Variants in GTSF1 observed in about 807,000 individuals in gnomAD.
The protein encoded by GTSF1 is gametocyte-specific factor 1.
Under a neutral mutation model 28.9 loss-of-function variants are expected in GTSF1, and 11 were observed. That is an observed-to-expected ratio of 0.38 (90% CI 0.24 to 0.63). The LOEUF (loss-of-function observed/expected upper bound fraction) is 0.63. Among genes scored for constraint, GTSF1 ranks in the 30% least tolerant of loss-of-function variants. The probability of loss-of-function intolerance (pLI) is 0.56; values close to 1 mark genes in which losing one functional copy is unlikely to be tolerated. For synonymous variants in GTSF1, 69 were observed against 65.6 expected, an observed-to-expected ratio of 1.05 and a Z score of -0.25; for missense variants, 146 against 201.0, an observed-to-expected ratio of 0.73 and a Z score of 1.66.
chr12:54,465,207 G>A, intron 2 of GTSF1, 40 bp from the exon 3 acceptor site: 1 of 1,380,892 alleles, frequency 7.2e-7, no homozygotes, highest in Non-Finnish European at 1.0e-6. Flanking sequence ...AACGATAATA[G>A]GCCCTTGTAA....
chr12:54,469,614 G>C lies in GTSF1; in HGVS notation c.16+1619C>G, dbSNP rs575295215. On this transcript the variant is annotated intron_variant, in intron 2 of 8. Coordinates refer to ENST00000305879, the MANE Select transcript of GTSF1 (RefSeq NM_144594.3). The stretch of plus-strand genomic sequence containing the variant: ...GAGGCAGGAGAATCGCTTGAACCCA[G>C]GAGGCAGAGGTTGCAGTGAGCTGAG... 8.0e-5 allele frequency among the ~76,000 whole-genome samples: 12 copies of C among 149,838 alleles called. No individual in the cohort carries two copies. In the South Asian group the frequency reaches 2.6e-3, roughly 32 times the overall value.
intron 2 of GTSF1, among the ~76,000 whole-genome samples, chr12:54,468,555 C>T (rs951318483): frequency 2.6e-5 from 4 of 152,160 alleles, no homozygotes; most frequent in African/African-American, 7.2e-5. Context: ...AATTTACTTT[C>T]GAAAACGAAG....
intron 8 of GTSF1, among the ~76,000 whole-genome samples, chr12:54,457,123 C>G (rs1041325593): frequency 6.6e-6 from 1 of 152,014 alleles, no homozygotes; most frequent in Non-Finnish European, 1.5e-5. Context: ...AAACCCAAAA[C>G]TTCATTTTTA....
At chr12:54,470,168 T>G (rs1956576877) in intron 2 of GTSF1, among the ~76,000 whole-genome samples, 1 of 152,164 alleles carries the variant, frequency 6.6e-6, no homozygotes, top group Admixed American at 6.5e-5. Context: ...AGAGCAAGAC[T>G]CTGTCTCAAA....
At chr12:54,458,641 A>T (rs1293073339) in intron 8 of GTSF1, among the ~76,000 whole-genome samples, 1 of 152,194 alleles carries the variant, frequency 6.6e-6, no homozygotes, top group Admixed American at 6.5e-5. Flanking sequence ...CCGTGCTGGG[A>T]TTACAGGCGT....
intron 2 of GTSF1, among the ~76,000 whole-genome samples, chr12:54,470,189 C>T (rs767493217): frequency 1.3e-5 from 2 of 152,084 alleles, no homozygotes; most frequent in Non-Finnish European, 2.9e-5. Flanking sequence ...AGAAAGAAAA[C>T]AAAAACTTTA....
chr12:54,462,574 T>C (rs12306947), intron 5 of GTSF1, 68 bp downstream of exon 5: 119,840 of 1,318,636 alleles, frequency 0.091, 6,040 homozygotes, highest in African/African-American at 0.17. Context: ...AGGAAAATCT[T>C]CCTTCTGTCT....
chr12:54,457,105 A>G (rs1956344254), intron 8 of GTSF1, among the ~76,000 whole-genome samples: 1 of 152,128 alleles, frequency 6.6e-6, no homozygotes, highest in Non-Finnish European at 1.5e-5. Flanking sequence ...AAACAAACAA[A>G]CAAACAAAAA....
chr12:54,463,384 T>C, intron 3 of GTSF1, 87 bp from the exon 4 acceptor site: 1 of 1,258,784 alleles, frequency 7.9e-7, no homozygotes, highest in Non-Finnish European at 1.1e-6. Flanking sequence ...TACAAATGCC[T>C]CCCCTAAAAT....
At chr12:54,461,593 T>C (rs1214453799) in intron 6 of GTSF1, among the ~76,000 whole-genome samples, 1 of 152,048 alleles carries the variant, frequency 6.6e-6, no homozygotes, top group Non-Finnish European at 1.5e-5. Flanking sequence ...CAGTGAGCCA[T>C]GATCATGCCA....
rs1372285894 is a variant in GTSF1 at position 54,459,317 on chromosome 12, C to G, written c.488-192G>C. ...AGAAAATAGACCTTTACCTACCAAGCCTTTTGACATATAATTTGGTGACTT... is the reference window on the plus strand; with the variant it reads ...AGAAAATAGACCTTTACCTACCAAGGCTTTTGACATATAATTTGGTGACTT... On this transcript the variant is annotated intron_variant, in intron 7 of 8. Coordinates refer to ENST00000305879, the MANE Select transcript of GTSF1 (RefSeq NM_144594.3). 11 of 1,442,766 alleles carry G rather than the reference C, an allele frequency of 7.6e-6. No homozygotes were observed. The African/African-American group carries it at 8.6e-5, about 11-fold the overall frequency. 89.4% of individuals were successfully genotyped at this position (1,442,766 alleles called of 1,614,324 possible).
intron 8 of GTSF1, among the ~76,000 whole-genome samples, chr12:54,457,305 T>A (rs1956348186): frequency 6.6e-6 from 1 of 152,202 alleles, no homozygotes; most frequent in Non-Finnish European, 1.5e-5. Context: ...GACACAGAAA[T>A]TTCTCCTAGA....
intron 2 of GTSF1, among the ~76,000 whole-genome samples, chr12:54,466,590 CCT>C (rs1317088323): frequency 1.3e-5 from 2 of 152,044 alleles, no homozygotes; most frequent in African/African-American, 2.4e-5. Context: ...GTTAGTTTCC[CCT>C]GATTTAATCC....
At chr12:54,460,856 T>G (rs1956410320) in intron 6 of GTSF1, among the ~76,000 whole-genome samples, 1 of 152,230 alleles carries the variant, frequency 6.6e-6, no homozygotes, top group Non-Finnish European at 1.5e-5. Flanking sequence ...TTAAAAGTTG[T>G]AGCCAACGGA....
Position 54,463,275 on chromosome 12 carries a change from T to C in GTSF1, c.140A>G (p.Lys47Arg), listed in dbSNP as rs921750430. ...CRKNHPDVASKLATCPFNARH... is the reference protein window; with the variant it reads ...CRKNHPDVASRLATCPFNARH... ...AGCATTGAAGGGACAAGTAGCCAATTTGCTTGCAACATCAGGATGATTCTG... is the reference window on the plus strand; with the variant it reads ...AGCATTGAAGGGACAAGTAGCCAATCTGCTTGCAACATCAGGATGATTCTG... Residue 47 changes from lysine (K) to arginine (R), a missense_variant, in exon 4 of 9, where the codon AAA becomes AGA. Physicochemically the swap from Lys to Arg is conservative, Grantham distance 26. Coordinates refer to ENST00000305879, the MANE Select transcript of GTSF1 (RefSeq NM_144594.3). The C allele has an allele frequency of 1.2e-6, 2 of 1,613,782 alleles. No individual in the cohort carries two copies. Among genetic ancestry groups the C allele is most frequent in the African/African-American group, 2.7e-5 (2 of 74,916 alleles).
chr12:54,470,774 A>T (rs939533700), intron 2 of GTSF1, among the ~76,000 whole-genome samples: 2 of 152,186 alleles, frequency 1.3e-5, no homozygotes, highest in South Asian at 4.1e-4. Context: ...ATGATTTTTC[A>T]AGTCCCTTTT....
Position 54,464,221 on chromosome 12 carries a change from A to G in GTSF1, c.117+846T>C, listed in dbSNP as rs151144425. Among the ~76,000 whole-genome samples the G allele has an allele frequency of 1.2e-4, 19 of 152,288 alleles. 1 individual carries two copies. The East Asian group carries it at 3.7e-3, about 29-fold the overall frequency. Reference sequence around the variant, plus strand: ...GAATTATGATAGTGTCTTTTTTACCACTTGACTCCATTTGGGAAATGTTTG... The same window carrying G: ...GAATTATGATAGTGTCTTTTTTACCGCTTGACTCCATTTGGGAAATGTTTG... On this transcript the variant is annotated intron_variant, in intron 3 of 8. Coordinates refer to ENST00000305879, the MANE Select transcript of GTSF1 (RefSeq NM_144594.3).
Position 54,459,070 on chromosome 12 carries a change from A to G in GTSF1, c.*20+19T>C, listed in dbSNP as rs375683912. 6.4e-6 allele frequency: 10 copies of G among 1,570,288 alleles called. No homozygotes were observed. The highest frequency in any genetic ancestry group is 7.8e-6 in the Non-Finnish European group (9 of 1,147,936). Reference sequence around the variant, plus strand: ...TGCTACCATCTGAAGAGACAGTGAAATAAAACTGAAACACTTACTTGATGA... The same window carrying G: ...TGCTACCATCTGAAGAGACAGTGAAGTAAAACTGAAACACTTACTTGATGA... On this transcript the variant is annotated intron_variant, in intron 8 of 8. Transcript: ENST00000305879.
intron 2 of GTSF1, among the ~76,000 whole-genome samples, chr12:54,468,436 C>G (rs531389754): frequency 7.9e-5 from 12 of 152,266 alleles, no homozygotes; most frequent in African/African-American, 2.9e-4. Context: ...ATGAGTATTT[C>G]TCTTGGATAA....
Sources: allele counts gnomAD v4.1 joint callset (sites outside exome capture counted in the v4.1 genomes callset), GRCh38; gene constraint gnomAD v4.1.1; transcripts MANE v1.5; gene names NCBI Gene and HGNC (gene_info 2026-07-23, HGNC 2026-07-21).